The following FRMD6 variants were observed in gnomAD, a reference collection of about 807,000 sequenced individuals.
FRMD6 encodes the protein FERM domain containing 6.
Under a neutral mutation model 73.2 loss-of-function variants are expected in FRMD6, and 37 were observed. The observed-to-expected ratio is 0.51, with a 90% confidence interval of 0.39 to 0.66. FRMD6 has a LOEUF of 0.66. FRMD6 is among the 30% of genes least tolerant of loss of function. FRMD6 has a pLI of 0.00. For missense variants in FRMD6, 714 were observed against 780.5 expected (o/e 0.91, Z 1.02); for synonymous variants, 273 against 282.2 (o/e 0.97, Z 0.33).
At chr14:51,677,435 A>G (rs967457853) in intron 1 of FRMD6, among the ~76,000 whole-genome samples, 91 of 152,108 alleles carry the variant, frequency 6.0e-4, no homozygotes, top group African/African-American at 2.1e-3. Flanking sequence ...AGGGAATCAA[A>G]GATTTCATTG....
In FRMD6 at chr14:51,701,163, A is replaced by C; in HGVS notation, c.294+4A>C. On this transcript the variant is annotated splice_donor_region_variant and intron_variant, in intron 4 of 13. Transcript: ENST00000344768. ...ACGACAATACGAAGTCACTTGGGTG[A>C]GATTACATTTATAAGCAAAATTATT... 2 of 1,512,310 alleles carry C rather than the reference A, an allele frequency of 1.3e-6. No individual in the cohort carries two copies. Among genetic ancestry groups the C allele is most frequent in the Non-Finnish European group, 1.8e-6 (2 of 1,113,874 alleles). 93.7% of individuals were successfully genotyped at this position (1,512,310 alleles called of 1,614,324 possible).
At chr14:51,540,102 A>G (rs530959701) in intron 1 of FRMD6, among the ~76,000 whole-genome samples, 1 of 152,062 alleles carries the variant, frequency 6.6e-6, no homozygotes, top group African/African-American at 2.4e-5. Context: ...TTTTTTTCTT[A>G]ATTGAAATTC....
At chr14:51,436,373 C>A in the FRMD6 span, 1 of 426,790 alleles carries the variant, frequency 2.3e-6, no homozygotes, top group South Asian at 2.4e-5. Flanking sequence ...GGGAGGAGGA[C>A]GAAGAGGCAG....
At chr14:51,583,475 T>C (rs1173642920) in intron 2 of FRMD6, among the ~76,000 whole-genome samples, 1 of 152,212 alleles carries the variant, frequency 6.6e-6, no homozygotes, top group African/African-American at 2.4e-5. Context: ...GTGTGAAATG[T>C]AGTTGCAATA....
intron 1 of FRMD6, among the ~76,000 whole-genome samples, chr14:51,559,894 A>G (rs1225809689): frequency 6.6e-6 from 1 of 152,236 alleles, no homozygotes; most frequent in African/African-American, 2.4e-5. Context: ...AGTCATGTTC[A>G]TAGGTAGAAA....
Position 51,729,780 on chromosome 14 carries a change from C to T in FRMD6, c.*1751C>T, listed in dbSNP as rs552667256. On this transcript the variant is annotated 3_prime_UTR_variant, in exon 14 of 14. Transcript: ENST00000344768. ...CTGTGCTGTCCCTCCTGTGCTGGGTCGCGGATGTGTAGGCAACATTGCCTT... is the reference window on the plus strand; with the variant it reads ...CTGTGCTGTCCCTCCTGTGCTGGGTTGCGGATGTGTAGGCAACATTGCCTT... 6 of 152,698 alleles carry T rather than the reference C, an allele frequency of 3.9e-5. No individual in the cohort carries two copies. The highest frequency in any genetic ancestry group is 4.1e-4 in the South Asian group (2 of 4,828). 9.5% of individuals were successfully genotyped at this position (152,698 alleles called of 1,614,324 possible). A position where few individuals can be genotyped will look rare whatever the true frequency, so the allele number is the denominator to read the frequency against.
In FRMD6 at chr14:51,728,490, G is replaced by GA; in HGVS notation, c.*462dup. The GA allele has an allele frequency of 5.8e-6, 1 of 173,338 alleles. No homozygotes were observed. The highest frequency in any genetic ancestry group is 1.3e-4 in the South Asian group (1 of 7,944). The allele number at this position is 173,338 out of a possible 1,614,324, so 10.7% of individuals were successfully genotyped here. ...GAAGATTCTCTCTTCTTTTAACAGA[G>GA]AGATGATTGCTCTGTATACCCATTG... On this transcript the variant is annotated 3_prime_UTR_variant, in exon 14 of 14. Coordinates refer to ENST00000344768, the MANE Select transcript of FRMD6 (RefSeq NM_001267046.2).
At chr14:51,556,227 T>A (rs1887121379) in intron 1 of FRMD6, among the ~76,000 whole-genome samples, 1 of 152,256 alleles carries the variant, frequency 6.6e-6, no homozygotes, top group South Asian at 2.1e-4. Context: ...GCTTCCTTTC[T>A]ACCCACAGAC....
the FRMD6 span, among the ~76,000 whole-genome samples, chr14:51,420,512 G>A: frequency 6.6e-6 from 1 of 152,144 alleles, no homozygotes; most frequent in South Asian, 2.1e-4. Flanking sequence ...ATAAAAGAAT[G>A]TTAGTACACT....
intron 1 of FRMD6, among the ~76,000 whole-genome samples, chr14:51,664,398 G>C (rs1198346878): frequency 6.6e-6 from 1 of 152,144 alleles, no homozygotes; most frequent in Non-Finnish European, 1.5e-5. Flanking sequence ...TTTGCTAACT[G>C]TCTGTAATAC....
At chr14:51,407,825 A>G in the FRMD6 span, among the ~76,000 whole-genome samples, 5 of 152,298 alleles carry the variant, frequency 3.3e-5, no homozygotes, top group African/African-American at 1.2e-4. Context: ...TTAGCAGAGA[A>G]CATGAGATGT....
At chr14:51,551,564 G>A (rs751150920) in intron 1 of FRMD6, among the ~76,000 whole-genome samples, 7 of 151,988 alleles carry the variant, frequency 4.6e-5, no homozygotes, top group Non-Finnish European at 1.0e-4. Context: ...GTGAAACCCT[G>A]TCTTTACAAA....
intron 2 of FRMD6, among the ~76,000 whole-genome samples, chr14:51,609,592 A>G (rs979535397): frequency 1.3e-5 from 2 of 152,196 alleles, no homozygotes; most frequent in Non-Finnish European, 2.9e-5. Flanking sequence ...TGGCAGAGAG[A>G]AAGGCATGCG....
chr14:51,414,080 A>G, the FRMD6 span, among the ~76,000 whole-genome samples: 1 of 151,836 alleles, frequency 6.6e-6, no homozygotes, highest in Admixed American at 6.6e-5. Context: ...TAGAATGCAA[A>G]AATTTTCTCC....
chr14:51,720,403 T>G lies in FRMD6; in HGVS notation c.1360+13T>G, dbSNP rs761188918. On this transcript the variant is annotated intron_variant, in intron 11 of 13. Coordinates refer to ENST00000344768, the MANE Select transcript of FRMD6 (RefSeq NM_001267046.2). The stretch of plus-strand genomic sequence containing the variant: ...TTACAGGACGATGGTAACAGTACTG[T>G]CCCCTCACTGGCTCTCTGTTTAGTC... 2.5e-6 allele frequency: 4 copies of G among 1,610,022 alleles called. No individual in the cohort carries two copies. The Admixed American group carries it at 6.7e-5, about 27-fold the overall frequency.
chr14:51,704,967 T>C (rs1314565519), intron 6 of FRMD6, 32 bp downstream of exon 6: 1 of 1,575,124 alleles, frequency 6.3e-7, no homozygotes, highest in African/African-American at 1.4e-5. Flanking sequence ...GAAAGAGTGT[T>C]TTCTCTCGGG....
the FRMD6 span, among the ~76,000 whole-genome samples, chr14:51,476,626 A>T: frequency 6.6e-6 from 1 of 152,206 alleles, no homozygotes; most frequent in Non-Finnish European, 1.5e-5. Context: ...GACCTATAAA[A>T]AGAATACTGC....
intron 1 of FRMD6, among the ~76,000 whole-genome samples, chr14:51,525,321 T>C (rs1885190197): frequency 6.6e-6 from 1 of 152,048 alleles, no homozygotes; most frequent in African/African-American, 2.4e-5. Context: ...CGGGCTGGAG[T>C]GCAGTAGCGA....
intron 2 of FRMD6, among the ~76,000 whole-genome samples, chr14:51,591,989 T>C (rs1176802083): frequency 6.6e-6 from 1 of 152,242 alleles, no homozygotes; most frequent in Non-Finnish European, 1.5e-5. Flanking sequence ...ATTTTTGCAG[T>C]CTCACACTAT....
Sources: gnomAD v4.1 joint callset for allele counts (sites outside exome capture counted in the v4.1 genomes callset) on GRCh38, gnomAD v4.1.1 for gene constraint, MANE v1.5 for transcripts, NCBI Gene and HGNC (gene_info 2026-07-23, HGNC 2026-07-21) for gene names.